Variants in CNKSR3 observed in about 807,000 individuals in gnomAD.
CNKSR3 encodes CNKSR family member 3, also known as connector enhancer of kinase suppressor of ras 3.
Under a neutral mutation model 67.7 loss-of-function variants are expected in CNKSR3, and 36 were observed. The ratio of observed to expected loss-of-function variants is 0.53; its 90% CI spans 0.41 to 0.70. The LOEUF (loss-of-function observed/expected upper bound fraction) is 0.70, where lower values mean the gene tolerates loss of function less well. Ranked by LOEUF, CNKSR3 falls within the 30% of genes least tolerant of loss-of-function variation. The pLI, the probability that CNKSR3 is intolerant of heterozygous loss-of-function variation, is 0.00. For missense variants in CNKSR3, 630 were observed against 695.2 expected (o/e 0.91, Z 1.05); for synonymous variants, 281 against 271.4 (o/e 1.04, Z -0.35).
chr6:154,460,248 A>T (rs891290094), intron 1 of CNKSR3, among the ~76,000 whole-genome samples: 5 of 152,232 alleles, frequency 3.3e-5, no homozygotes, highest in African/African-American at 1.2e-4. Flanking sequence ...AGAATTCAGA[A>T]TATAATGGCA....
intron 1 of CNKSR3, among the ~76,000 whole-genome samples, chr6:154,456,707 CAAAAAAAAA>C (rs10536163): frequency 3.3e-4 from 15 of 45,394 alleles, no homozygotes; most frequent in East Asian, 8.8e-4. Context: ...AACTCTGTCT[CAAAAAAAAA>C]AAAAAAAAAA....
intron 1 of CNKSR3, among the ~76,000 whole-genome samples, chr6:154,475,411 A>T (rs1786424610): frequency 6.6e-6 from 1 of 151,998 alleles, no homozygotes; most frequent in Admixed American, 6.5e-5. Flanking sequence ...CTCATCCATG[A>T]AGTTTTCACG....
At chr6:154,448,278 T>C (rs1161775898) in intron 2 of CNKSR3, among the ~76,000 whole-genome samples, 2 of 151,942 alleles carry the variant, frequency 1.3e-5, no homozygotes, top group Non-Finnish European at 2.9e-5. Flanking sequence ...TAGCTGACCC[T>C]TCCTGCCTCT....
At chr6:154,434,506 A>AT (rs2128716267) in intron 4 of CNKSR3, among the ~76,000 whole-genome samples, 1 of 152,280 alleles carries the variant, frequency 6.6e-6, no homozygotes, top group Non-Finnish European at 1.5e-5. Flanking sequence ...TTTTTAGGTC[A>AT]TTTTTTACTA....
chr6:154,476,761 A>G (rs1042389272), intron 1 of CNKSR3, among the ~76,000 whole-genome samples: 6 of 152,244 alleles, frequency 3.9e-5, no homozygotes, highest in African/African-American at 1.4e-4. Flanking sequence ...CAAGGAATGA[A>G]GAAATCATTA....
intron 7 of CNKSR3, 117 bp downstream of exon 7, chr6:154,428,011 C>T (rs1437853290): frequency 7.3e-6 from 5 of 686,670 alleles, no homozygotes; most frequent in Non-Finnish European, 1.3e-5. Flanking sequence ...AAAGCAGGTA[C>T]CCACGCTCTC....
chr6:154,416,004 G>A (rs1021653572), intron 9 of CNKSR3, among the ~76,000 whole-genome samples: 2 of 152,190 alleles, frequency 1.3e-5, no homozygotes, highest in Non-Finnish European at 2.9e-5. Context: ...TAGGCCCAGC[G>A]TGTGGGCACA....
At chr6:154,450,356 A>C in intron 1 of CNKSR3, 98 bp from the exon 2 acceptor site, 1 of 1,210,786 alleles carries the variant, frequency 8.3e-7, no homozygotes, top group Non-Finnish European at 1.2e-6. Context: ...GCAATCAACA[A>C]TTATGATGCC....
At chr6:154,506,295 GAA>G (rs1293061450) in intron 1 of CNKSR3, among the ~76,000 whole-genome samples, 10 of 152,008 alleles carry the variant, frequency 6.6e-5, no homozygotes, top group Non-Finnish European at 1.5e-4. Flanking sequence ...GAAAAGAAAG[GAA>G]AAGAGAGGAA....
chr6:154,470,812 C>T (rs751620892), intron 1 of CNKSR3, among the ~76,000 whole-genome samples: 1 of 152,206 alleles, frequency 6.6e-6, no homozygotes, highest in Non-Finnish European at 1.5e-5. Context: ...AGGAGTGGAA[C>T]TGTTGAGTCA....
chr6:154,468,864 T>A (rs4870295), intron 1 of CNKSR3, among the ~76,000 whole-genome samples: 78,191 of 151,954 alleles, frequency 0.51, 21,825 homozygotes, highest in African/African-American at 0.75. Flanking sequence ...CTCAGCTTTA[T>A]ACTAAGATAG....
intron 1 of CNKSR3, among the ~76,000 whole-genome samples, chr6:154,508,296 A>C (rs959777227): frequency 3.9e-5 from 6 of 152,250 alleles, no homozygotes; most frequent in Admixed American, 3.9e-4. Flanking sequence ...ACATGTAATA[A>C]AAAGTATTAA....
chr6:154,447,656 C>T (rs898567756), intron 2 of CNKSR3, among the ~76,000 whole-genome samples: 1 of 152,156 alleles, frequency 6.6e-6, no homozygotes, highest in African/African-American at 2.4e-5. Flanking sequence ...CATCTATCTG[C>T]CCCTCTCCTT....
At chr6:154,455,924 T>G (rs1785943647) in intron 1 of CNKSR3, among the ~76,000 whole-genome samples, 1 of 152,140 alleles carries the variant, frequency 6.6e-6, no homozygotes, top group Admixed American at 6.5e-5. Context: ...TTTTTATTAA[T>G]TAATTAATCT....
intron 4 of CNKSR3, among the ~76,000 whole-genome samples, chr6:154,438,164 T>A (rs1008397557): frequency 2.6e-5 from 4 of 152,216 alleles, no homozygotes; most frequent in Non-Finnish European, 5.9e-5. Context: ...AAGTATTTTA[T>A]ATTATTTATC....
intron 1 of CNKSR3, among the ~76,000 whole-genome samples, chr6:154,481,585 G>A (rs1484438537): frequency 1.3e-5 from 2 of 152,138 alleles, no homozygotes; most frequent in African/African-American, 4.8e-5. Context: ...AGTAGATGAG[G>A]AACACAGGCA....
At chr6:154,490,162 T>C (rs1786757901) in intron 1 of CNKSR3, among the ~76,000 whole-genome samples, 1 of 152,180 alleles carries the variant, frequency 6.6e-6, no homozygotes, top group African/African-American at 2.4e-5. Flanking sequence ...ATTTCACAGA[T>C]CAAAGGAAAT....
intron 9 of CNKSR3, 129 bp downstream of exon 9, chr6:154,422,377 G>A: frequency 1.2e-6 from 1 of 812,612 alleles, no homozygotes; most frequent in Non-Finnish European, 2.0e-6. Context: ...ACATAGGCAG[G>A]AGTATAGGAT....
chr6:154,455,809 GA>G (rs1785940755), intron 1 of CNKSR3, among the ~76,000 whole-genome samples: 2 of 152,238 alleles, frequency 1.3e-5, no homozygotes, highest in African/African-American at 4.8e-5. Flanking sequence ...AACATTTCAA[GA>G]TTAAAGGAGG....
Sources: allele counts gnomAD v4.1 joint callset (sites outside exome capture counted in the v4.1 genomes callset), GRCh38; gene constraint gnomAD v4.1.1; transcripts MANE v1.5; gene names NCBI Gene and HGNC (gene_info 2026-07-23, HGNC 2026-07-21).